CELF2: variants seen among roughly 807,000 people sequenced by gnomAD.
CELF2 encodes the protein CUGBP Elav-like family member 2, also known as CUG triplet repeat RNA-binding protein 2.
CELF2 carries 8 observed loss-of-function variants against 62.6 expected under a neutral mutation model. The observed-to-expected ratio is 0.13, with a 90% CI of 0.07 to 0.23. The LOEUF (loss-of-function observed/expected upper bound fraction) is 0.23, where lower values mean the gene tolerates loss of function less well. CELF2 is among the 10% of genes least tolerant of loss of function. The pLI, the probability that CELF2 is intolerant of heterozygous loss-of-function variation, is 1.00. For missense variants in CELF2, 333 were observed against 671.0 expected (o/e 0.50, Z 5.56); for synonymous variants, 258 against 250.0 (o/e 1.03, Z -0.30).
chr10:10,996,621 C>T (rs2053978111), intron 2 of CELF2, among the ~76,000 whole-genome samples: 1 of 152,192 alleles, frequency 6.6e-6, no homozygotes, highest in South Asian at 2.1e-4. Flanking sequence ...TAACTCATAA[C>T]TTTGTATGTA....
the CELF2 span, among the ~76,000 whole-genome samples, chr10:10,746,801 A>C: frequency 4.6e-5 from 7 of 152,216 alleles, no homozygotes. Flanking sequence ...AATATCTTGA[A>C]TGTACCAAAA....
At chr10:10,466,369 T>C in the CELF2 span, among the ~76,000 whole-genome samples, 1 of 152,186 alleles carries the variant, frequency 6.6e-6, no homozygotes, top group South Asian at 2.1e-4. Flanking sequence ...GATTCATACA[T>C]ACTGTTGCAT....
At chr10:11,016,832 T>C (rs1000557629), upstream of CELF2, among the ~76,000 whole-genome samples, 5 of 152,266 alleles carry the variant, frequency 3.3e-5, no homozygotes, top group African/African-American at 9.6e-5. The surrounding 1 kb of genome is among the most constrained non-coding windows in gnomAD (Gnocchi z 5.2). Context: ...GATGTATAGC[T>C]GTATAGACAC....
At chr10:11,196,060 G>A (rs1343097018) in intron 2 of CELF2, among the ~76,000 whole-genome samples, 1 of 151,336 alleles carries the variant, frequency 6.6e-6, no homozygotes, top group African/African-American at 2.4e-5. Context: ...GGTCCCTTGA[G>A]AATTACTTTA....
the CELF2 span, among the ~76,000 whole-genome samples, chr10:10,543,280 G>A: frequency 1.3e-5 from 2 of 152,232 alleles, no homozygotes; most frequent in African/African-American, 4.8e-5. Flanking sequence ...TAAAGAAGTG[G>A]AGAATGTTCT....
intron 2 of CELF2, among the ~76,000 whole-genome samples, chr10:10,951,258 C>G (rs1232939388): frequency 3.3e-5 from 5 of 152,070 alleles, no homozygotes; most frequent in Non-Finnish European, 5.9e-5. Flanking sequence ...ATCCTCCCAC[C>G]TTGGCTTTCT....
rs1258701288 is a variant in CELF2 at position 11,098,598 on chromosome 10, A to G, written c.75-66888A>G. 6.6e-6 allele frequency: 1 copy of G among 152,266 alleles called. No individual in the cohort carries two copies. Among genetic ancestry groups the G allele is most frequent in the Non-Finnish European group, 1.5e-5 (1 of 68,042 alleles). 9.4% of individuals were successfully genotyped at this position (152,266 alleles called of 1,614,324 possible). ...TCATCACATATTCCTTTAGAAAGGC[A>G]CAGTGAGCACGCTCATTTTTTTTCC... is the stretch of plus-strand genomic sequence containing the variant. On this transcript the variant is annotated intron_variant, in intron 1 of 12. Coordinates refer to ENST00000633077, the MANE Select transcript of CELF2 (RefSeq NM_001326342.2). This position sits in a 1 kb window ranked among gnomAD's most constrained non-coding sequence, Gnocchi z 4.0.
At chr10:11,063,673 CCT>C (rs369524621) in intron 1 of CELF2, among the ~76,000 whole-genome samples, 44 of 152,192 alleles carry the variant, frequency 2.9e-4, no homozygotes, top group African/African-American at 1.1e-3. Flanking sequence ...TTAAATAAAC[CCT>C]TTTTTTGCTT....
At chr10:11,174,517 A>G (rs182336047) in intron 2 of CELF2, among the ~76,000 whole-genome samples, 15 of 152,372 alleles carry the variant, frequency 9.8e-5, no homozygotes, top group Non-Finnish European at 1.5e-5. Flanking sequence ...CACTCTGGAC[A>G]GTGATCAGTT....
At chr10:11,136,118 C>G (rs926127909) in intron 1 of CELF2, among the ~76,000 whole-genome samples, 8 of 152,134 alleles carry the variant, frequency 5.3e-5, no homozygotes, top group Admixed American at 3.3e-4. Flanking sequence ...TGCAATTCAA[C>G]CTTGGATTGG....
the CELF2 span, among the ~76,000 whole-genome samples, chr10:10,477,618 C>T: frequency 1.5e-4 from 23 of 152,104 alleles, no homozygotes; most frequent in South Asian, 1.2e-3. Flanking sequence ...TGACCTAATG[C>T]CCCTAAAAAG....
intron 2 of CELF2, among the ~76,000 whole-genome samples, chr10:11,195,694 G>A (rs1206565478): frequency 6.6e-6 from 1 of 152,220 alleles, no homozygotes; most frequent in Non-Finnish European, 1.5e-5. Context: ...TGCTGGAGAA[G>A]GGAAAAGGAG....
At chr10:10,694,959 T>C in the CELF2 span, among the ~76,000 whole-genome samples, 1 of 151,278 alleles carries the variant, frequency 6.6e-6, no homozygotes. Context: ...GTCTTGACTC[T>C]TTATCCAATT....
At chr10:10,621,693 A>T in the CELF2 span, among the ~76,000 whole-genome samples, 1 of 152,216 alleles carries the variant, frequency 6.6e-6, no homozygotes, top group African/African-American at 2.4e-5. Flanking sequence ...AGGAGCAGAG[A>T]CAAGAAGCAA....
chr10:10,600,039 A>G, the CELF2 span, among the ~76,000 whole-genome samples: 2 of 151,876 alleles, frequency 1.3e-5, no homozygotes, highest in African/African-American at 2.4e-5. Context: ...CCTCTGCCCC[A>G]TTTCTTTATA....
At chr10:10,512,041 C>T in the CELF2 span, among the ~76,000 whole-genome samples, 2 of 152,168 alleles carry the variant, frequency 1.3e-5, no homozygotes, top group Non-Finnish European at 2.9e-5. Flanking sequence ...ATGTCAAAAT[C>T]AGTATATTCC....
chr10:10,888,254 T>G (rs1402688043), intron 1 of CELF2, among the ~76,000 whole-genome samples: 2 of 152,190 alleles, frequency 1.3e-5, no homozygotes, highest in Non-Finnish European at 2.9e-5. Flanking sequence ...AACATAGACA[T>G]TCCTTCTAGG....
At chr10:11,144,927 ACCCCTCGCCAAG>A (rs2061996037) in intron 1 of CELF2, among the ~76,000 whole-genome samples, 1 of 140,116 alleles carries the variant, frequency 7.1e-6, no homozygotes, top group Non-Finnish European at 1.6e-5. Context: ...AAAAAAAGGC[ACCCCTCGCCAAG>A]CCCTGACTGG....
At chr10:10,911,867 A>T (rs2063841993) in intron 1 of CELF2, among the ~76,000 whole-genome samples, 1 of 152,210 alleles carries the variant, frequency 6.6e-6, no homozygotes, top group Non-Finnish European at 1.5e-5. Context: ...TATTGCAATC[A>T]TTTCCACCCA....
Sources: allele counts gnomAD v4.1 joint callset (sites outside exome capture counted in the v4.1 genomes callset), GRCh38; gene constraint gnomAD v4.1.1; non-coding constraint Gnocchi (gnomAD v3.1); transcripts MANE v1.5; gene names NCBI Gene and HGNC (gene_info 2026-07-23, HGNC 2026-07-21).